TMTC3: variants seen among roughly 807,000 people sequenced by gnomAD.
TMTC3 encodes the protein protein O-mannosyl-transferase TMTC3.
Under a neutral mutation model 92.2 loss-of-function variants are expected in TMTC3, and 52 were observed. The observed-to-expected ratio is 0.56, with a 90% CI of 0.45 to 0.71. TMTC3 has a LOEUF of 0.71. Ranked by LOEUF, TMTC3 falls within the 30% of genes least tolerant of loss-of-function variation. TMTC3 has a pLI of 0.00. For missense variants in TMTC3, 896 were observed against 1,057.1 expected (o/e 0.85, Z 2.11); for synonymous variants, 339 against 363.3 (o/e 0.93, Z 0.76).
At chr12:88,146,562 A>G (rs960245907) in intron 1 of TMTC3, among the ~76,000 whole-genome samples, 1 of 150,818 alleles carries the variant, frequency 6.6e-6, no homozygotes, top group Non-Finnish European at 1.5e-5. Context: ...GGCACAACTA[A>G]CAGAAGAACC....
At chr12:88,146,063 T>C (rs1333940770) in intron 1 of TMTC3, among the ~76,000 whole-genome samples, 3 of 152,162 alleles carry the variant, frequency 2.0e-5, no homozygotes, top group Non-Finnish European at 4.4e-5. Context: ...ACAAGAATAG[T>C]GTGTTACATG....
chr12:88,147,050 A>T (rs950047938), intron 1 of TMTC3, among the ~76,000 whole-genome samples: 2 of 150,160 alleles, frequency 1.3e-5, no homozygotes, highest in Non-Finnish European at 3.0e-5. Context: ...ATTGTTTATT[A>T]TGCATATTAT....
chr12:88,172,079 T>C (rs948629676), intron 7 of TMTC3, among the ~76,000 whole-genome samples: 3 of 152,072 alleles, frequency 2.0e-5, no homozygotes, highest in Non-Finnish European at 4.4e-5. Flanking sequence ...TTATTTTAGA[T>C]AGAATTTCAA....
chr12:88,183,627 C>A (rs1413673439), intron 10 of TMTC3, among the ~76,000 whole-genome samples: 2 of 151,988 alleles, frequency 1.3e-5, no homozygotes, highest in Non-Finnish European at 2.9e-5. Flanking sequence ...CTGTGTAGTG[C>A]GGGACCAAAG....
intron 7 of TMTC3, among the ~76,000 whole-genome samples, chr12:88,169,609 C>T (rs2041182378): frequency 1.3e-5 from 2 of 152,166 alleles, no homozygotes; most frequent in South Asian, 4.1e-4. Context: ...TATATGTCAA[C>T]AGCATAATGT....
intron 10 of TMTC3, among the ~76,000 whole-genome samples, chr12:88,180,630 T>G (rs2041307372): frequency 6.6e-6 from 1 of 152,170 alleles, no homozygotes; most frequent in Non-Finnish European, 1.5e-5. Flanking sequence ...GCTTGTGTCA[T>G]TCAAGAAAAC....
At chr12:88,183,775 A>C (rs2041344943) in intron 10 of TMTC3, among the ~76,000 whole-genome samples, 1 of 152,142 alleles carries the variant, frequency 6.6e-6, no homozygotes, top group African/African-American at 2.4e-5. Context: ...GGGTTATGGG[A>C]AACAGCAGTT....
intron 1 of TMTC3, among the ~76,000 whole-genome samples, chr12:88,147,138 A>G (rs2040885758): frequency 6.6e-6 from 1 of 151,792 alleles, no homozygotes; most frequent in Admixed American, 6.6e-5. Context: ...CAGCTAATGT[A>G]TCAAGTCTCC....
chr12:88,182,534 C>G (rs1272153192), intron 10 of TMTC3, among the ~76,000 whole-genome samples: 1 of 152,124 alleles, frequency 6.6e-6, no homozygotes, highest in East Asian at 1.9e-4. Flanking sequence ...TGAGGTCTAA[C>G]TGACCAGGAA....
intron 2 of TMTC3, among the ~76,000 whole-genome samples, chr12:88,150,492 A>G (rs181970654): frequency 6.6e-5 from 10 of 152,290 alleles, no homozygotes; most frequent in African/African-American, 2.4e-4. Context: ...TCAGCTTTGC[A>G]GATTGAAAAT....
intron 9 of TMTC3, among the ~76,000 whole-genome samples, chr12:88,175,663 C>A (rs1592740543): frequency 6.6e-6 from 1 of 152,166 alleles, no homozygotes; most frequent in Non-Finnish European, 1.5e-5. Context: ...TACTCACTCC[C>A]AGGACAGTGG....
intron 6 of TMTC3, among the ~76,000 whole-genome samples, chr12:88,162,930 TG>T (rs2041096703): frequency 6.6e-6 from 1 of 151,350 alleles, no homozygotes. Context: ...TTTTTTTTTT[TG>T]AGATTAGAGT....
At chr12:88,151,025 T>A (rs968148443) in intron 2 of TMTC3, among the ~76,000 whole-genome samples, 1 of 152,204 alleles carries the variant, frequency 6.6e-6, no homozygotes, top group African/African-American at 2.4e-5. Context: ...TATTAGAATT[T>A]GCCTGGGGCA....
At chr12:88,183,339 T>C (rs1164757273) in intron 10 of TMTC3, among the ~76,000 whole-genome samples, 2 of 152,162 alleles carry the variant, frequency 1.3e-5, no homozygotes, top group African/African-American at 2.4e-5. Context: ...CTTATCTCTT[T>C]ATAAGTGCCG....
intron 10 of TMTC3, among the ~76,000 whole-genome samples, chr12:88,187,764 A>G (rs1198965623): frequency 6.6e-6 from 1 of 152,200 alleles, no homozygotes; most frequent in Admixed American, 6.5e-5. Flanking sequence ...GCAAAGAATT[A>G]TTGCACAATT....
Position 88,154,318 on chromosome 12 carries a change from T to C in TMTC3, c.439T>C (p.Leu147=), listed in dbSNP as rs142814324. 2.5e-6 allele frequency: 4 copies of C among 1,608,164 alleles called. No individual in the cohort carries two copies. Among genetic ancestry groups the C allele is most frequent in the Non-Finnish European group, 3.4e-6 (4 of 1,178,380 alleles). Residue 147 remains leucine, a synonymous_variant, in exon 4 of 14, where the codon TTG becomes CTG. Coordinates refer to ENST00000266712, the MANE Select transcript of TMTC3 (RefSeq NM_181783.4). ...VTGVVGRAEL[L]SSIFFLAAFL... ...AGGAGTTGTTGGAAGAGCAGAACTT[T>C]TGTCATCTATCTTTTTTCTAGCAGC...
rs2041533944 is a variant in TMTC3, at chr12:88,197,913, TTGAG to T, written c.*2268_*2271del. 1 of 154,924 alleles carries T rather than the reference TTGAG, an allele frequency of 6.5e-6. No individual in the cohort carries two copies. The highest frequency in any genetic ancestry group is 1.4e-5 in the Non-Finnish European group (1 of 69,892). 9.6% of individuals were successfully genotyped at this position (154,924 alleles called of 1,614,324 possible). A position where few individuals can be genotyped will look rare whatever the true frequency, so the allele number is the denominator to read the frequency against. ...CCATGCTTGTTTTTCCAAAAGCTCTTTGAGTGATTCTAATTTGTAGTCAGAGTTG... is the reference window on the plus strand; with the variant it reads ...CCATGCTTGTTTTTCCAAAAGCTCTTTGATTCTAATTTGTAGTCAGAGTTG... On this transcript the variant is annotated 3_prime_UTR_variant, in exon 14 of 14. Transcript: ENST00000266712.
At chr12:88,161,221 G>T (rs1228061806) in intron 6 of TMTC3, among the ~76,000 whole-genome samples, 2 of 152,072 alleles carry the variant, frequency 1.3e-5, no homozygotes, top group African/African-American at 2.4e-5. Context: ...ACTTCTGTCG[G>T]TTTTTGTTTT....
At chr12:88,168,598 G>A (rs187393733) in intron 7 of TMTC3, among the ~76,000 whole-genome samples, 4 of 152,216 alleles carry the variant, frequency 2.6e-5, no homozygotes, top group Admixed American at 6.5e-5. Context: ...TTTTGAATGC[G>A]GATATCCCTG....
Sources: allele counts gnomAD v4.1 joint callset (sites outside exome capture counted in the v4.1 genomes callset), GRCh38; gene constraint gnomAD v4.1.1; transcripts MANE v1.5; gene names NCBI Gene and HGNC (gene_info 2026-07-23, HGNC 2026-07-21).